MRTFB: variants seen among roughly 807,000 people sequenced by gnomAD.
MRTFB encodes myocardin-related transcription factor B.
Under a neutral mutation model 104.2 loss-of-function variants are expected in MRTFB, and 29 were observed. That is an observed-to-expected ratio of 0.28 (90% CI 0.21 to 0.38). MRTFB has a LOEUF of 0.38. MRTFB is among the 10% of genes least tolerant of loss of function. The pLI, the probability that MRTFB is intolerant of heterozygous loss-of-function variation, is 1.00. For synonymous variants in MRTFB, 535 were observed against 519.5 expected, an observed-to-expected ratio of 1.03 and a Z score of -0.41; for missense variants, 1,270 against 1,341.6, an observed-to-expected ratio of 0.95 and a Z score of 0.83.
At chr16:14,156,277 G>A (rs1248646974) in intron 3 of MRTFB, among the ~76,000 whole-genome samples, 1 of 152,182 alleles carries the variant, frequency 6.6e-6, no homozygotes, top group African/African-American at 2.4e-5. Flanking sequence ...TTTTCACATA[G>A]GACCTTTGCT....
At chr16:14,182,494 G>A (rs888481144) in intron 3 of MRTFB, among the ~76,000 whole-genome samples, 22 of 152,216 alleles carry the variant, frequency 1.4e-4, no homozygotes, top group Admixed American at 2.0e-4. Context: ...ACAGACATAC[G>A]TACTTAAATA....
chr16:14,213,527 C>CT lies in MRTFB; in HGVS notation c.277-11dup, dbSNP rs756527861. On this transcript the variant is annotated splice_polypyrimidine_tract_variant and intron_variant, in intron 5 of 16. Transcript: ENST00000571589. ...AAATAATAAATGATTTATGGTAAGA[C>CT]TTTTTTTCTTTTTAAAGACTGAAAA... 1.4e-5 allele frequency: 21 copies of CT among 1,554,898 alleles called. No individual in the cohort carries two copies. In the South Asian group the frequency reaches 2.4e-4, roughly 17 times the overall value.
chr16:14,036,296 TTATA>T, the MRTFB span, among the ~76,000 whole-genome samples: 132 of 98,306 alleles, frequency 1.3e-3, 3 homozygotes, highest in Middle Eastern at 4.9e-3. Context: ...TTATATATAT[TTATA>T]TATATATATA....
the MRTFB span, among the ~76,000 whole-genome samples, chr16:14,043,093 G>A: frequency 1.3e-3 from 199 of 152,310 alleles, no homozygotes; most frequent in African/African-American, 2.8e-3. Context: ...CCTTGGAAAA[G>A]CAAACTTGTG....
intron 2 of MRTFB, among the ~76,000 whole-genome samples, chr16:14,090,019 T>TAC (rs543273741): frequency 3.9e-5 from 6 of 152,166 alleles, no homozygotes; most frequent in Admixed American, 2.6e-4. Flanking sequence ...ATATTTTGTA[T>TAC]ACACACACAC....
the MRTFB span, among the ~76,000 whole-genome samples, chr16:14,011,509 C>T: frequency 6.2e-4 from 95 of 152,338 alleles, 1 homozygote; most frequent in African/African-American, 2.3e-3. Context: ...TACAGGATTT[C>T]TCAGAACCCT....
At chr16:14,133,853 A>G (rs2037567301) in intron 2 of MRTFB, among the ~76,000 whole-genome samples, 1 of 152,174 alleles carries the variant, frequency 6.6e-6, no homozygotes, top group Admixed American at 6.5e-5. Flanking sequence ...TCTGAAATTC[A>G]TTCATTATGA....
At position 14,158,665 on chromosome 16, in the gene MRTFB, TATA is replaced by T. The variant is rs1273440536; in HGVS notation, c.154+17908_154+17910del. ...TGAATATGGCTATAAAAGGTATAAA[TATA>T]ATCATATGCAAAGCTAAAAAGAGTT... On this transcript the variant is annotated intron_variant, in intron 3 of 16. Transcript: ENST00000571589. Among the ~76,000 whole-genome samples, 4 of 152,196 alleles carry T rather than the reference TATA, an allele frequency of 2.6e-5. No individual in the cohort carries two copies. The East Asian group carries it at 5.8e-4, about 22-fold the overall frequency.
intron 9 of MRTFB, among the ~76,000 whole-genome samples, chr16:14,239,282 C>T (rs1227870902): frequency 6.6e-6 from 1 of 152,212 alleles, no homozygotes; most frequent in African/African-American, 2.4e-5. Context: ...TGTTAATAGT[C>T]ACATTCTATG....
chr16:14,158,326 T>A (rs1567398133), intron 3 of MRTFB, among the ~76,000 whole-genome samples: 1 of 152,244 alleles, frequency 6.6e-6, no homozygotes, highest in South Asian at 2.1e-4. Flanking sequence ...AATAGCAAGT[T>A]AAACTATTAA....
intron 2 of MRTFB, among the ~76,000 whole-genome samples, chr16:14,099,464 C>T (rs1475189830): frequency 6.6e-6 from 1 of 150,982 alleles, no homozygotes; most frequent in African/African-American, 2.4e-5. Flanking sequence ...CAACCTCCGC[C>T]TCCTTGGCTC....
At chr16:14,073,672 T>G (rs1395053168) in intron 1 of MRTFB, among the ~76,000 whole-genome samples, 2 of 152,106 alleles carry the variant, frequency 1.3e-5, no homozygotes, top group Non-Finnish European at 2.9e-5. Flanking sequence ...CAGATTGAGG[T>G]TAGAATGGAG....
At chr16:13,997,892 A>G in the MRTFB span, among the ~76,000 whole-genome samples, 15 of 152,236 alleles carry the variant, frequency 9.9e-5, no homozygotes, top group South Asian at 3.1e-3. Context: ...GGTGAGTAAG[A>G]CAAGCATGAT....
chr16:14,012,291 C>CTTTTTTTTTTT, the MRTFB span, among the ~76,000 whole-genome samples: 1 of 97,770 alleles, frequency 1.0e-5, no homozygotes, highest in African/African-American at 5.8e-5. Context: ...TTTTCTTTTT[C>CTTTTTTTTTTT]TTTCTTTCTT....
chr16:14,248,477 A>G (rs1370215464), intron 12 of MRTFB: 1 of 152,812 alleles, frequency 6.5e-6, no homozygotes, highest in Non-Finnish European at 1.5e-5. Flanking sequence ...AGAAACGAGA[A>G]CCGTGTTTTT....
intron 3 of MRTFB, chr16:14,199,928 A>G (rs1328824749): frequency 5.2e-6 from 1 of 191,616 alleles, no homozygotes; most frequent in Non-Finnish European, 1.1e-5. Flanking sequence ...ATTTGACATG[A>G]TATCACTAGT....
intron 2 of MRTFB, among the ~76,000 whole-genome samples, chr16:14,086,488 T>C (rs774665781): frequency 4.6e-5 from 7 of 152,208 alleles, no homozygotes; most frequent in Admixed American, 2.0e-4. Flanking sequence ...TAATCCAAAA[T>C]TAAATGTAGG....
chr16:14,120,764 G>A (rs1567346553), intron 2 of MRTFB, among the ~76,000 whole-genome samples: 1 of 152,124 alleles, frequency 6.6e-6, no homozygotes, highest in Non-Finnish European at 1.5e-5. Context: ...CTTAGTGTGT[G>A]GGGGATAGAA....
the MRTFB span, among the ~76,000 whole-genome samples, chr16:14,022,571 A>G: frequency 6.6e-6 from 1 of 151,776 alleles, no homozygotes; most frequent in Non-Finnish European, 1.5e-5. Flanking sequence ...TAATTTTTGT[A>G]TTTTTAGTAA....
Sources: gnomAD v4.1 joint callset for allele counts (sites outside exome capture counted in the v4.1 genomes callset) on GRCh38, gnomAD v4.1.1 for gene constraint, MANE v1.5 for transcripts, NCBI Gene and HGNC (gene_info 2026-07-23, HGNC 2026-07-21) for gene names.